Variants in GALNT13 observed in about 807,000 individuals in gnomAD.
GALNT13 encodes UDP-GalNAc:polypeptide N-acetylgalactosaminyltransferase 13.
A neutral mutation model predicts 64.2 loss-of-function variants in GALNT13; 28 were observed. The observed-to-expected ratio is 0.44, with a 90% CI of 0.32 to 0.60. The LOEUF (loss-of-function observed/expected upper bound fraction) is 0.60, where lower values mean the gene tolerates loss of function less well. Ranked by LOEUF, GALNT13 falls within the 20% of genes least tolerant of loss-of-function variation. GALNT13 has a pLI of 0.05. For missense variants in GALNT13, 577 were observed against 669.8 expected (o/e 0.86, Z 1.53); for synonymous variants, 214 against 224.6 (o/e 0.95, Z 0.42).
At chr2:154,321,285 TGGAG>T (rs1694610194) in intron 9 of GALNT13, among the ~76,000 whole-genome samples, 1 of 152,130 alleles carries the variant, frequency 6.6e-6, no homozygotes, top group African/African-American at 2.4e-5. Context: ...CTTTCACAGG[TGGAG>T]CTTTGGTCAT....
At chr2:153,567,688 A>G in the GALNT13 span, among the ~76,000 whole-genome samples, 35 of 152,364 alleles carry the variant, frequency 2.3e-4, no homozygotes, top group East Asian at 4.4e-3. Flanking sequence ...AATCACTCAA[A>G]GTAGAAACTC....
chr2:153,729,973 G>A, the GALNT13 span, among the ~76,000 whole-genome samples: 6 of 151,734 alleles, frequency 4.0e-5, no homozygotes, highest in African/African-American at 1.5e-4. Flanking sequence ...TCCCATGTTC[G>A]TGGAATGGGA....
At chr2:153,470,043 T>C in the GALNT13 span, among the ~76,000 whole-genome samples, 1 of 152,142 alleles carries the variant, frequency 6.6e-6, no homozygotes, top group Non-Finnish European at 1.5e-5. Context: ...TCATCCTTGC[T>C]GAAATAGTTG....
At chr2:154,253,678 A>G (rs564998321) in intron 7 of GALNT13, among the ~76,000 whole-genome samples, 1 of 152,322 alleles carries the variant, frequency 6.6e-6, no homozygotes, top group African/African-American at 2.4e-5. Flanking sequence ...AACTCCTATT[A>G]GATGATAGAG....
the GALNT13 span, among the ~76,000 whole-genome samples, chr2:153,416,556 CT>C: frequency 1.3e-5 from 2 of 152,184 alleles, no homozygotes; most frequent in Non-Finnish European, 2.9e-5. Context: ...AGGCATTCAA[CT>C]TTTGTCTATC....
intron 1 of GALNT13, among the ~76,000 whole-genome samples, chr2:153,873,760 C>T (rs1465785296): frequency 6.6e-6 from 1 of 152,078 alleles, no homozygotes; most frequent in Non-Finnish European, 1.5e-5. Flanking sequence ...TTTCTGGTAT[C>T]CTTGAATATT....
At chr2:153,587,306 G>A in the GALNT13 span, among the ~76,000 whole-genome samples, 2 of 151,782 alleles carry the variant, frequency 1.3e-5, no homozygotes, top group Non-Finnish European at 2.9e-5. Flanking sequence ...ACCAAAACTT[G>A]GATATAGCAA....
the GALNT13 span, among the ~76,000 whole-genome samples, chr2:153,554,723 C>T: frequency 6.6e-6 from 1 of 150,858 alleles, no homozygotes; most frequent in Non-Finnish European, 1.5e-5. Flanking sequence ...AAACTTTGTA[C>T]CTTCATTGTC....
chr2:153,345,604 A>T, the GALNT13 span, among the ~76,000 whole-genome samples: 1 of 128,516 alleles, frequency 7.8e-6, no homozygotes, highest in Non-Finnish European at 1.8e-5. Context: ...GTGCCCTCCC[A>T]TTTCTTTTCT....
chr2:153,772,014 C>A, the GALNT13 span, among the ~76,000 whole-genome samples: 2 of 152,218 alleles, frequency 1.3e-5, no homozygotes, highest in South Asian at 2.1e-4. Context: ...CTGTCTCTGG[C>A]TGCAAATCCC....
the GALNT13 span, chr2:153,478,525 A>C: frequency 7.5e-6 from 12 of 1,602,794 alleles, no homozygotes; most frequent in South Asian, 1.2e-4. Flanking sequence ...GGCCAGGAAC[A>C]GGCCCGCCAC....
At chr2:153,630,797 A>G in the GALNT13 span, among the ~76,000 whole-genome samples, 1 of 16,464 alleles carries the variant, frequency 6.1e-5, no homozygotes, top group Admixed American at 6.7e-4. Flanking sequence ...ATATATATAT[A>G]TATATATATA....
chr2:154,030,084 C>G (rs1356441721), intron 3 of GALNT13, among the ~76,000 whole-genome samples: 1 of 151,442 alleles, frequency 6.6e-6, no homozygotes, highest in Non-Finnish European at 1.5e-5. Context: ...GAGAACAGGA[C>G]CAAAGAAATA....
chr2:154,389,380 C>T (rs1348096718), intron 9 of GALNT13, among the ~76,000 whole-genome samples: 3 of 152,312 alleles, frequency 2.0e-5, no homozygotes, highest in African/African-American at 7.2e-5. Context: ...CTCAAGTGAT[C>T]TGCCCACCTC....
At position 154,287,000 on chromosome 2, in the gene GALNT13, G is replaced by A. The variant is rs78843038; in HGVS notation, c.976-14409G>A. The A allele has an allele frequency of 8.4e-3, 4,935 of 587,250 alleles. 108 individuals are homozygous for A. The highest frequency in any genetic ancestry group is 0.059 in the African/African-American group (3,207 of 54,264). 36.4% of individuals were successfully genotyped at this position (587,250 alleles called of 1,614,324 possible). A position where few individuals can be genotyped will look rare whatever the true frequency, so the allele number is the denominator to read the frequency against. Reference sequence around the variant, plus strand: ...TCAGTGGTGGCTCACTTTGATGCAGGAGAACTGATCACCCAAAGAGAGCTG... The same window carrying A: ...TCAGTGGTGGCTCACTTTGATGCAGAAGAACTGATCACCCAAAGAGAGCTG... On this transcript the variant is annotated intron_variant, in intron 8 of 12. Coordinates refer to ENST00000392825, the MANE Select transcript of GALNT13 (RefSeq NM_052917.4).
the GALNT13 span, among the ~76,000 whole-genome samples, chr2:153,725,514 A>G: frequency 1.3e-5 from 2 of 151,764 alleles, no homozygotes; most frequent in African/African-American, 4.8e-5. Context: ...TAATATGACT[A>G]AGATGCAGTA....
rs142090666 is a variant in GALNT13, at chr2:154,313,723, G to C, written c.1156+12134G>C. On this transcript the variant is annotated intron_variant, in intron 9 of 12. Transcript: ENST00000392825. ...CCACCTTGGCCTCCCAAAGTGCTGG[G>C]ATTACAGGTGTGAGCCATCATGCCT... Among the ~76,000 whole-genome samples, 739 of 152,198 alleles carry C rather than the reference G, an allele frequency of 4.9e-3. 5 individuals are homozygous for C. The highest frequency in any genetic ancestry group is 0.016 in the African/African-American group (663 of 41,530).
At chr2:153,807,575 C>A in the GALNT13 span, among the ~76,000 whole-genome samples, 1 of 152,062 alleles carries the variant, frequency 6.6e-6, no homozygotes, top group East Asian at 1.9e-4. Flanking sequence ...AGCTCAATAT[C>A]TTTGAAGTTT....
the GALNT13 span, among the ~76,000 whole-genome samples, chr2:153,219,407 T>A: frequency 6.6e-6 from 1 of 152,232 alleles, no homozygotes; most frequent in Non-Finnish European, 1.5e-5. Context: ...AAAGCATTTC[T>A]TGATGTATCA....
Sources: gnomAD v4.1 joint callset for allele counts (sites outside exome capture counted in the v4.1 genomes callset) on GRCh38, gnomAD v4.1.1 for gene constraint, MANE v1.5 for transcripts, NCBI Gene and HGNC (gene_info 2026-07-23, HGNC 2026-07-21) for gene names.